The following CSMD1 variants were observed in gnomAD, a reference collection of about 807,000 sequenced individuals.
CSMD1 encodes the protein CUB and sushi domain-containing protein 1.
In CSMD1, 213 loss-of-function variants were observed where a neutral mutation model predicts 417.5. That is an observed-to-expected ratio of 0.51 (90% confidence interval 0.46 to 0.57). The LOEUF is 0.57. Ranked by LOEUF, CSMD1 falls within the 20% of genes least tolerant of loss-of-function variation. The probability of loss-of-function intolerance (pLI) is 0.00; values close to 1 mark genes in which losing one functional copy is unlikely to be tolerated. For missense variants in CSMD1, 6,923 were observed against 4,529.7 expected (o/e 1.53, Z -15.17); for synonymous variants, 2,862 against 1,736.8 (o/e 1.65, Z -16.11).
At chr8:3,546,981 G>C (rs1222524664) in intron 10 of CSMD1, among the ~76,000 whole-genome samples, 2 of 152,176 alleles carry the variant, frequency 1.3e-5, no homozygotes, top group African/African-American at 4.8e-5. Flanking sequence ...GAAGGGAAGA[G>C]CAAAACTGAA....
intron 2 of CSMD1, among the ~76,000 whole-genome samples, chr8:4,543,787 A>T (rs1464409720): frequency 6.6e-6 from 1 of 150,376 alleles, no homozygotes; most frequent in Non-Finnish European, 1.5e-5. Context: ...TCATATTCTC[A>T]CCAGCATTTG....
chr8:4,897,196 G>T (rs933448618), intron 1 of CSMD1, among the ~76,000 whole-genome samples: 2 of 152,004 alleles, frequency 1.3e-5, no homozygotes, highest in African/African-American at 4.8e-5. Flanking sequence ...TGTCAGGGGA[G>T]GTAGAATAAA....
intron 1 of CSMD1, among the ~76,000 whole-genome samples, chr8:4,933,370 G>C (rs554049077): frequency 3.3e-5 from 5 of 152,134 alleles, no homozygotes; most frequent in Non-Finnish European, 5.9e-5. Flanking sequence ...TAAACTGTAA[G>C]TGCTGCTTCC....
At chr8:4,966,132 G>C (rs1809841010) in intron 1 of CSMD1, among the ~76,000 whole-genome samples, 1 of 150,732 alleles carries the variant, frequency 6.6e-6, no homozygotes, top group East Asian at 2.0e-4. Flanking sequence ...GGGAGGCCGA[G>C]GCAGGTGGAT....
intron 3 of CSMD1, among the ~76,000 whole-genome samples, chr8:4,034,440 T>A (rs945328049): frequency 2.0e-5 from 3 of 152,238 alleles, no homozygotes; most frequent in Non-Finnish European, 4.4e-5. Context: ...CATTTTTGTC[T>A]TTTTTAATAA....
At chr8:3,322,325 C>G (rs1806204541) in intron 23 of CSMD1, among the ~76,000 whole-genome samples, 2 of 152,098 alleles carry the variant, frequency 1.3e-5, no homozygotes. Flanking sequence ...TTACATTTTA[C>G]AGTATTAGTT....
intron 5 of CSMD1, among the ~76,000 whole-genome samples, chr8:3,865,978 G>C (rs187014225): frequency 2.0e-5 from 3 of 152,022 alleles, no homozygotes; most frequent in South Asian, 4.2e-4. Flanking sequence ...AAAGTGAAAG[G>C]AATTTCACCA....
chr8:3,350,443 CACAGCTAGTACAGATT>C (rs1299495089), intron 21 of CSMD1, among the ~76,000 whole-genome samples: 1 of 152,086 alleles, frequency 6.6e-6, no homozygotes, highest in Non-Finnish European at 1.5e-5. Flanking sequence ...CCCAAGGTCA[CACAGCTAGTACAGATT>C]AATTACTGAT....
chr8:4,861,348 G>A (rs564630045), intron 1 of CSMD1, among the ~76,000 whole-genome samples: 3 of 152,166 alleles, frequency 2.0e-5, no homozygotes, highest in African/African-American at 7.2e-5. Flanking sequence ...GACATTTCAG[G>A]CTTTATGGGT....
chr8:3,659,809 C>T (rs370416205), intron 7 of CSMD1, among the ~76,000 whole-genome samples: 1 of 152,078 alleles, frequency 6.6e-6, no homozygotes, highest in Non-Finnish European at 1.5e-5. Flanking sequence ...GGAAGTAAAA[C>T]CATTCGGCAT....
At chr8:4,018,452 C>A (rs1796627028) in intron 4 of CSMD1, among the ~76,000 whole-genome samples, 1 of 152,128 alleles carries the variant, frequency 6.6e-6, no homozygotes, top group Non-Finnish European at 1.5e-5. Flanking sequence ...GCAGGTCTGT[C>A]AACACAGCTG....
chr8:3,457,052 G>A (rs1335976955), intron 12 of CSMD1, among the ~76,000 whole-genome samples: 1 of 150,842 alleles, frequency 6.6e-6, no homozygotes, highest in Non-Finnish European at 1.5e-5. Context: ...CCCTCATTCT[G>A]TACTCCTCAC....
At chr8:4,526,073 T>C (rs569327860) in intron 2 of CSMD1, among the ~76,000 whole-genome samples, 23 of 152,278 alleles carry the variant, frequency 1.5e-4, no homozygotes, top group Admixed American at 1.1e-3. Flanking sequence ...TCATTTTCCC[T>C]GGGACACATT....
intron 12 of CSMD1, among the ~76,000 whole-genome samples, chr8:3,422,522 G>A (rs1189978220): frequency 6.6e-6 from 1 of 152,036 alleles, no homozygotes; most frequent in South Asian, 2.1e-4. Flanking sequence ...TACTACTGAA[G>A]AAATCTATTG....
chr8:4,211,389 A>T (rs1329077585), intron 3 of CSMD1, among the ~76,000 whole-genome samples: 1 of 152,206 alleles, frequency 6.6e-6, no homozygotes, highest in Admixed American at 6.5e-5. Flanking sequence ...AATTCATTTA[A>T]AATTATTTTA....
chr8:3,262,579 C>T (rs952924646), intron 26 of CSMD1, among the ~76,000 whole-genome samples: 2 of 151,430 alleles, frequency 1.3e-5, no homozygotes, highest in African/African-American at 4.8e-5. Flanking sequence ...GACAAAGATT[C>T]CCTGTTAAAA....
At chr8:2,964,085 C>A (rs971313139) in intron 59 of CSMD1, among the ~76,000 whole-genome samples, 4 of 152,188 alleles carry the variant, frequency 2.6e-5, no homozygotes, top group African/African-American at 9.7e-5. Flanking sequence ...AATCCAAAAA[C>A]CACTGTCTAA....
At chr8:3,386,160 A>C (rs1304328801) in intron 18 of CSMD1, among the ~76,000 whole-genome samples, 1 of 152,184 alleles carries the variant, frequency 6.6e-6, no homozygotes, top group Non-Finnish European at 1.5e-5. Context: ...CAATAGCAGG[A>C]AAAGAAAAAT....
At chr8:4,638,159 T>C (rs376708187) in intron 1 of CSMD1, among the ~76,000 whole-genome samples, 1 of 152,186 alleles carries the variant, frequency 6.6e-6, no homozygotes, top group Non-Finnish European at 1.5e-5. Flanking sequence ...CAATATCAAA[T>C]TTCAGTTCAT....
Sources: gnomAD v4.1 joint callset for allele counts (sites outside exome capture counted in the v4.1 genomes callset) on GRCh38, gnomAD v4.1.1 for gene constraint, MANE v1.5 for transcripts, NCBI Gene and HGNC (gene_info 2026-07-23, HGNC 2026-07-21) for gene names.